MGAT5: variants seen among roughly 807,000 people sequenced by gnomAD.
MGAT5 encodes alpha-1,6-mannosylglycoprotein 6-beta-N-acetylglucosaminyltransferase A.
A neutral mutation model predicts 94.3 loss-of-function variants in MGAT5; 30 were observed. That is an observed-to-expected ratio of 0.32 (90% CI 0.24 to 0.43). The LOEUF (loss-of-function observed/expected upper bound fraction) is 0.43. Ranked by LOEUF, MGAT5 falls within the 20% of genes least tolerant of loss-of-function variation. The pLI, the probability that MGAT5 is intolerant of heterozygous loss-of-function variation, is 1.00. For synonymous variants in MGAT5, 310 were observed against 322.9 expected (o/e 0.96, Z 0.43); for missense variants, 691 against 905.5 (o/e 0.76, Z 3.04).
intron 8 of MGAT5, among the ~76,000 whole-genome samples, chr2:134,347,334 T>A (rs759880991): frequency 2.6e-5 from 4 of 152,190 alleles, no homozygotes; most frequent in Non-Finnish European, 5.9e-5. Flanking sequence ...GATCATTCCA[T>A]TCCTCTTTCA....
intron 6 of MGAT5, 63 bp from the exon 7 acceptor site, chr2:134,341,527 C>T (rs374975517): frequency 2.2e-5 from 29 of 1,347,512 alleles, no homozygotes; most frequent in East Asian, 1.0e-4. Context: ...CATTTCTTGG[C>T]GCATTACTGT....
At chr2:134,238,565 A>G (rs1681785735) in intron 1 of MGAT5, among the ~76,000 whole-genome samples, 1 of 152,210 alleles carries the variant, frequency 6.6e-6, no homozygotes, top group Non-Finnish European at 1.5e-5. Context: ...ACAAATCTGT[A>G]TTACATCCTG....
rs1336986858 is a variant in MGAT5, at chr2:134,433,032, GT to G, written c.1869+4597del. Reference sequence around the variant, plus strand: ...GTTACACAACTACCACCACACTCTAGTTTTGCAGCATTTCCGTCACCCCAAA... The same window carrying G: ...GTTACACAACTACCACCACACTCTAGTTTGCAGCATTTCCGTCACCCCAAA... On this transcript the variant is annotated intron_variant, in intron 14 of 15. Coordinates refer to ENST00000281923, the MANE Select transcript of MGAT5 (RefSeq NM_002410.5). Among the ~76,000 whole-genome samples the G allele has an allele frequency of 3.9e-5, 6 of 152,206 alleles. No individual in the cohort carries two copies. The East Asian group carries it at 1.2e-3, about 29-fold the overall frequency.
At chr2:134,190,056 C>A (rs1339607549) in intron 1 of MGAT5, among the ~76,000 whole-genome samples, 1 of 152,190 alleles carries the variant, frequency 6.6e-6, no homozygotes, top group East Asian at 1.9e-4. Flanking sequence ...CTGTGACATT[C>A]TTTGGGAATC....
At chr2:134,206,676 C>T (rs541993862) in intron 1 of MGAT5, among the ~76,000 whole-genome samples, 1 of 152,062 alleles carries the variant, frequency 6.6e-6, no homozygotes, top group Non-Finnish European at 1.5e-5. Flanking sequence ...TCAAGATGGG[C>T]CCTAAATGCC....
intron 2 of MGAT5, among the ~76,000 whole-genome samples, chr2:134,285,088 C>CT (rs1182818521): frequency 6.6e-6 from 1 of 152,006 alleles, no homozygotes; most frequent in East Asian, 1.9e-4. Context: ...GTAATTGTCT[C>CT]TAGAGAAATA....
At chr2:134,266,921 C>T (rs754941475) in intron 1 of MGAT5, among the ~76,000 whole-genome samples, 44 of 152,210 alleles carry the variant, frequency 2.9e-4, no homozygotes, top group African/African-American at 7.9e-4. Context: ...GCTTATATTC[C>T]GTCTTCATTT....
intron 10 of MGAT5, among the ~76,000 whole-genome samples, chr2:134,368,659 C>T (rs778927576): frequency 6.6e-6 from 1 of 152,214 alleles, no homozygotes; most frequent in Non-Finnish European, 1.5e-5. Context: ...CAAACTGAAT[C>T]GTGCTACTCC....
intron 2 of MGAT5, among the ~76,000 whole-genome samples, chr2:134,277,390 A>G (rs1273561554): frequency 6.6e-6 from 1 of 152,156 alleles, no homozygotes; most frequent in Non-Finnish European, 1.5e-5. Flanking sequence ...AGGAAACTTG[A>G]ATCATAGTGG....
At chr2:134,146,735 C>T (rs1171712787) in intron 1 of MGAT5, among the ~76,000 whole-genome samples, 3 of 152,212 alleles carry the variant, frequency 2.0e-5, no homozygotes, top group African/African-American at 7.2e-5. Context: ...CGCTGGGTAC[C>T]GGCATTGGCA....
intron 2 of MGAT5, among the ~76,000 whole-genome samples, chr2:134,277,523 A>C (rs1017339677): frequency 1.3e-5 from 2 of 152,160 alleles, no homozygotes; most frequent in Non-Finnish European, 2.9e-5. Flanking sequence ...AGCATGAGGG[A>C]AACTGCCCCC....
At chr2:134,160,424 G>C (rs960143546) in intron 1 of MGAT5, among the ~76,000 whole-genome samples, 3 of 152,158 alleles carry the variant, frequency 2.0e-5, no homozygotes, top group Admixed American at 2.0e-4. Context: ...CGCCTGCCTC[G>C]GCCTCCCAAA....
intron 1 of MGAT5, among the ~76,000 whole-genome samples, chr2:134,174,967 G>A (rs77048271): frequency 0.012 from 1,815 of 152,290 alleles, 33 homozygotes; most frequent in African/African-American, 0.042. Context: ...GAATCCCCAC[G>A]GTTGCACTCT....
chr2:134,212,925 G>C (rs1334661810), intron 1 of MGAT5, among the ~76,000 whole-genome samples: 1 of 152,226 alleles, frequency 6.6e-6, no homozygotes, highest in Non-Finnish European at 1.5e-5. Context: ...GAGCCAGCTT[G>C]AATGCCGAGC....
chr2:134,127,555 A>C (rs1339796296), intron 1 of MGAT5, among the ~76,000 whole-genome samples: 2 of 138,054 alleles, frequency 1.4e-5, no homozygotes, highest in African/African-American at 5.2e-5. Flanking sequence ...TGTAGGTCCA[A>C]TAAAGAAAGG....
At chr2:134,391,871 G>A (rs1682434417) in intron 10 of MGAT5, among the ~76,000 whole-genome samples, 1 of 152,180 alleles carries the variant, frequency 6.6e-6, no homozygotes, top group South Asian at 2.1e-4. Flanking sequence ...CAGGAGGGAG[G>A]GTGGTTATTA....
chr2:134,311,453 A>G (rs1207697799), intron 2 of MGAT5, among the ~76,000 whole-genome samples: 1 of 152,150 alleles, frequency 6.6e-6, no homozygotes, highest in Admixed American at 6.5e-5. Flanking sequence ...GTGAGCCTTA[A>G]TAAAGGCTCA....
intron 2 of MGAT5, among the ~76,000 whole-genome samples, chr2:134,290,564 C>G (rs1290599195): frequency 6.6e-6 from 1 of 152,232 alleles, no homozygotes; most frequent in African/African-American, 2.4e-5. Flanking sequence ...CTTCTAAAAC[C>G]TCTCCAGATC....
At chr2:134,206,534 C>T (rs887220423) in intron 1 of MGAT5, among the ~76,000 whole-genome samples, 1 of 152,122 alleles carries the variant, frequency 6.6e-6, no homozygotes, top group Non-Finnish European at 1.5e-5. Context: ...AAATCTGAAA[C>T]GGCTCTGTAG....
Sources: gnomAD v4.1 joint callset for allele counts (sites outside exome capture counted in the v4.1 genomes callset) on GRCh38, gnomAD v4.1.1 for gene constraint, MANE v1.5 for transcripts, NCBI Gene and HGNC (gene_info 2026-07-23, HGNC 2026-07-21) for gene names.